The following PTPRG variants were observed in gnomAD, a reference collection of about 807,000 sequenced individuals.
PTPRG encodes receptor-type tyrosine-protein phosphatase gamma.
In PTPRG, 102 loss-of-function variants were observed where a neutral mutation model predicts 165.3. The ratio of observed to expected loss-of-function variants is 0.62; its 90% CI spans 0.53 to 0.73. The LOEUF (loss-of-function observed/expected upper bound fraction) is 0.73, where lower values mean the gene tolerates loss of function less well. Among genes scored for constraint, PTPRG ranks in the 30% least tolerant of loss-of-function variants. PTPRG has a pLI of 0.00. For missense variants in PTPRG, 1,866 were observed against 1,861.4 expected (o/e 1.00, Z -0.05); for synonymous variants, 675 against 669.5 (o/e 1.01, Z -0.13).
intron 1 of PTPRG, among the ~76,000 whole-genome samples, chr3:61,735,162 A>T (rs1359380747): frequency 6.6e-6 from 1 of 152,214 alleles, no homozygotes; most frequent in East Asian, 1.9e-4. Context: ...ATTTAAACAG[A>T]CCTAGAGATA....
At position 61,894,301 on chromosome 3, in the gene PTPRG, C is replaced by CAAAAAAAAAAAAA; in HGVS notation, c.191-95303_191-95291dup. Among the ~76,000 whole-genome samples the CAAAAAAAAAAAAA allele has an allele frequency of 1.6e-3, 78 of 49,844 alleles. 8 individuals are homozygous for CAAAAAAAAAAAAA. The highest frequency in any genetic ancestry group is 4.8e-3 in the African/African-American group (73 of 15,094). 32.7% of individuals were successfully genotyped at this position (49,844 alleles called of 152,430 possible). A position where few individuals can be genotyped will look rare whatever the true frequency, so the allele number is the denominator to read the frequency against. ...CGGGCAACAGAGCAAGACTCTGTGTCAAAAAAAAAAAAAAAAAAAAAAAAA... is the reference window on the plus strand; with the variant it reads ...CGGGCAACAGAGCAAGACTCTGTGTCAAAAAAAAAAAAAAAAAAAAAAAAAAAAAAAAAAAAAA... On this transcript the variant is annotated intron_variant, in intron 2 of 29. Transcript: ENST00000474889.
chr3:62,071,910 T>G (rs971923969), intron 4 of PTPRG, among the ~76,000 whole-genome samples: 1 of 152,122 alleles, frequency 6.6e-6, no homozygotes, highest in African/African-American at 2.4e-5. Context: ...AGTAGGTACT[T>G]ACTAAAGGTT....
At chr3:61,643,874 G>T (rs1460688770) in intron 1 of PTPRG, among the ~76,000 whole-genome samples, 1 of 152,080 alleles carries the variant, frequency 6.6e-6, no homozygotes, top group African/African-American at 2.4e-5. Flanking sequence ...AAGTTTAATT[G>T]GATTCTTATA....
rs1360123939 is a variant in PTPRG, at chr3:62,262,855, G to A, written c.2617G>A (p.Glu873Lys). The change falls in exon 17 of 30, where the codon GAA (glutamate) becomes AAA (lysine). Residue 873 changes from glutamate to lysine, a missense_variant. This residue lies in a region of PTPRG where 1,452 missense variants were observed against 1,463.0 expected (regional missense o/e 0.99). Coordinates refer to ENST00000474889, the MANE Select transcript of PTPRG (RefSeq NM_002841.4). ...NITAEHSNHP[E>K]NKHKNRYINI... ...CACTGCAGAGCATTCCAATCATCCA[G>A]AAAACAAGCACAAAAACAGATACAT... The A allele has an allele frequency of 6.2e-7, 1 of 1,613,864 alleles. No homozygotes were observed. The highest frequency in any genetic ancestry group is 1.7e-5 in the Admixed American group (1 of 60,020).
intron 5 of PTPRG, among the ~76,000 whole-genome samples, chr3:62,081,069 A>T (rs1701555754): frequency 6.6e-6 from 1 of 151,792 alleles, no homozygotes; most frequent in South Asian, 2.1e-4. Context: ...CATCCTGGCT[A>T]ACACGGTGAA....
In PTPRG at chr3:61,733,235, T is replaced by C. The variant is rs139744525; in HGVS notation, c.86-15643T>C. 1.3e-3 allele frequency among the ~76,000 whole-genome samples: 196 copies of C among 152,346 alleles called. 2 individuals are homozygous for C. The highest frequency in any genetic ancestry group is 0.01 in the Middle Eastern group (3 of 294). On this transcript the variant is annotated intron_variant, in intron 1 of 29. Coordinates refer to ENST00000474889, the MANE Select transcript of PTPRG (RefSeq NM_002841.4). ...TTGGTATTTCATGTTTGGGTCTTTA[T>C]ACTCTGTATATTTTGTGAAATAACT...
intron 2 of PTPRG, among the ~76,000 whole-genome samples, chr3:61,940,676 ATTTTTTT>A (rs76965309): frequency 4.4e-5 from 4 of 91,258 alleles, no homozygotes; most frequent in Non-Finnish European, 7.2e-5. Flanking sequence ...TTTATTTTTT[ATTTTTTT>A]GACAGAGTCT....
At chr3:62,122,510 AG>A (rs1703113047) in intron 5 of PTPRG, among the ~76,000 whole-genome samples, 1 of 152,230 alleles carries the variant, frequency 6.6e-6, no homozygotes, top group Non-Finnish European at 1.5e-5. Context: ...ATATGTAATT[AG>A]TTTACACTTA....
intron 2 of PTPRG, among the ~76,000 whole-genome samples, chr3:61,793,732 G>A (rs899332470): frequency 6.6e-6 from 1 of 152,064 alleles, no homozygotes; most frequent in African/African-American, 2.4e-5. Flanking sequence ...CAGCTTTCTG[G>A]ATGCTGTCTA....
At chr3:62,188,009 A>G (rs1699707507) in intron 8 of PTPRG, among the ~76,000 whole-genome samples, 1 of 152,212 alleles carries the variant, frequency 6.6e-6, no homozygotes, top group Non-Finnish European at 1.5e-5. Flanking sequence ...CCATCATTCA[A>G]GACAATGACA....
intron 1 of PTPRG, among the ~76,000 whole-genome samples, chr3:61,652,872 T>C (rs1468917077): frequency 6.6e-6 from 1 of 152,208 alleles, no homozygotes; most frequent in East Asian, 1.9e-4. Context: ...GAACCATTCT[T>C]CTAATGTAAC....
At chr3:61,789,054 G>A (rs766818096) in intron 2 of PTPRG, among the ~76,000 whole-genome samples, 25 of 151,938 alleles carry the variant, frequency 1.6e-4, no homozygotes, top group Non-Finnish European at 3.1e-4. Context: ...ATTACTGAGC[G>A]CTGGTATGTC....
rs574190592 is a variant in PTPRG at position 62,001,774 on chromosome 3, G to A, written c.371-1575G>A. Among the ~76,000 whole-genome samples, 230 of 152,200 alleles carry A rather than the reference G, an allele frequency of 1.5e-3. 1 individual carries two copies. Among genetic ancestry groups the A allele is most frequent in the African/African-American group, 5.4e-3 (225 of 41,528 alleles). On this transcript the variant is annotated intron_variant, in intron 3 of 29. Coordinates refer to ENST00000474889, the MANE Select transcript of PTPRG (RefSeq NM_002841.4). ...TTTTGTCAAATTTAAATATCAGTGT[G>A]GTTAAATAAAGGTTTATTGGATCAT...
At chr3:61,934,561 G>A (rs1473654258) in intron 2 of PTPRG, among the ~76,000 whole-genome samples, 2 of 151,924 alleles carry the variant, frequency 1.3e-5, no homozygotes, top group Non-Finnish European at 2.9e-5. Context: ...TTGCTCCTGT[G>A]TTGTCCACCA....
chr3:62,145,662 T>A (rs575815420), intron 6 of PTPRG, among the ~76,000 whole-genome samples: 2 of 152,316 alleles, frequency 1.3e-5, no homozygotes, highest in Admixed American at 1.3e-4. Context: ...CAGCAGCCTC[T>A]CTGCTTCTGC....
chr3:61,832,537 C>T (rs1432877236), intron 2 of PTPRG, among the ~76,000 whole-genome samples: 1 of 152,132 alleles, frequency 6.6e-6, no homozygotes, highest in Non-Finnish European at 1.5e-5. Context: ...GCTGTGTGTA[C>T]AGCCTTCAGG....
chr3:62,052,863 C>A (rs142765587), intron 4 of PTPRG, among the ~76,000 whole-genome samples: 3,530 of 152,212 alleles, frequency 0.023, 79 homozygotes, highest in South Asian at 0.11. Context: ...AAGGAAAACA[C>A]CTTATCTGTA....
intron 16 of PTPRG, among the ~76,000 whole-genome samples, chr3:62,260,626 G>A (rs1421932118): frequency 1.3e-5 from 2 of 152,084 alleles, no homozygotes; most frequent in African/African-American, 4.8e-5. Flanking sequence ...TATTTATCAA[G>A]TTCTGAATAG....
chr3:62,025,563 C>T (rs953276041), intron 4 of PTPRG, among the ~76,000 whole-genome samples: 4 of 152,142 alleles, frequency 2.6e-5, no homozygotes, highest in East Asian at 1.9e-4. Flanking sequence ...TGTTGACAGC[C>T]GTAAAATGTA....
Sources: allele counts gnomAD v4.1 joint callset (sites outside exome capture counted in the v4.1 genomes callset), GRCh38; gene constraint gnomAD v4.1.1; regional missense constraint gnomAD v4.1.1; transcripts MANE v1.5; gene names NCBI Gene and HGNC (gene_info 2026-07-23, HGNC 2026-07-21).